The following DYM variants were observed in gnomAD, a reference collection of about 807,000 sequenced individuals.
DYM encodes the protein dymeclin.
Under a neutral mutation model 93.1 loss-of-function variants are expected in DYM, and 78 were observed. The ratio of observed to expected loss-of-function variants is 0.84; its 90% CI spans 0.70 to 1.01. The LOEUF (loss-of-function observed/expected upper bound fraction) is 1.01. Among genes scored for constraint, DYM ranks in the 50% least tolerant of loss-of-function variants. The pLI is 0.00. For synonymous variants in DYM, 321 were observed against 319.7 expected, an observed-to-expected ratio of 1.00 and a Z score of -0.04; for missense variants, 789 against 845.0, an observed-to-expected ratio of 0.93 and a Z score of 0.82.
chr18:49,289,776 C>CAT (rs368783117), intron 8 of DYM, among the ~76,000 whole-genome samples: 48,620 of 84,124 alleles, frequency 0.58, 12,734 homozygotes, highest in Admixed American at 0.63. Context: ...TATATATACA[C>CAT]ATATATATAT....
intron 2 of DYM, among the ~76,000 whole-genome samples, chr18:49,403,998 GT>G (rs113425880): frequency 0.093 from 13,769 of 147,522 alleles, 834 homozygotes; most frequent in East Asian, 0.31. Context: ...TGTTTTTTCT[GT>G]TTTTTTTTTG....
chr18:49,091,843 G>A (rs1302402265), intron 17 of DYM, among the ~76,000 whole-genome samples: 2 of 152,052 alleles, frequency 1.3e-5, no homozygotes, highest in African/African-American at 4.8e-5. Flanking sequence ...TCAAACTCCT[G>A]TCCTCGTGAT....
chr18:49,396,623 C>T (rs181043818), intron 2 of DYM, among the ~76,000 whole-genome samples: 5 of 152,248 alleles, frequency 3.3e-5, no homozygotes, highest in Non-Finnish European at 7.4e-5. Flanking sequence ...GATATCTGCA[C>T]TCTCATGTTT....
chr18:49,190,854 G>A (rs921333257), intron 14 of DYM, among the ~76,000 whole-genome samples: 2 of 152,010 alleles, frequency 1.3e-5, no homozygotes, highest in Non-Finnish European at 2.9e-5. Flanking sequence ...CCATTTCTAC[G>A]TAATAAATAG....
chr18:49,409,143 G>C (rs1278957864), intron 2 of DYM, among the ~76,000 whole-genome samples: 1 of 151,874 alleles, frequency 6.6e-6, no homozygotes, highest in African/African-American at 2.4e-5. Flanking sequence ...AATTAGCCGA[G>C]CATGGTGGCT....
chr18:49,148,446 C>T lies in DYM; in HGVS notation c.1728+15239G>A, dbSNP rs1051206295. On this transcript the variant is annotated intron_variant, in intron 15 of 17. Transcript: ENST00000675505. ...TAAATTAATTAATTTTTTGTAGACA[C>T]AGGGTCTCCCTATATTGCTCAGGCT... 7.2e-5 allele frequency among the ~76,000 whole-genome samples: 11 copies of T among 151,894 alleles called. No homozygotes were observed. In the East Asian group the frequency reaches 2.1e-3, roughly 29 times the overall value.
chr18:49,388,106 A>G (rs1054408729), intron 3 of DYM, among the ~76,000 whole-genome samples: 3 of 152,282 alleles, frequency 2.0e-5, no homozygotes, highest in Admixed American at 2.0e-4. Context: ...TGTGGGGGCC[A>G]AGGTGGGAGG....
At chr18:49,222,643 AAAAT>A (rs1240640709) in intron 13 of DYM, among the ~76,000 whole-genome samples, 1 of 152,144 alleles carries the variant, frequency 6.6e-6, no homozygotes, top group South Asian at 2.1e-4. Context: ...GGTTCATAAT[AAAAT>A]AAATAAACAA....
intron 8 of DYM, among the ~76,000 whole-genome samples, chr18:49,301,141 C>A (rs564982412): frequency 6.6e-6 from 1 of 152,130 alleles, no homozygotes; most frequent in Non-Finnish European, 1.5e-5. Flanking sequence ...AAGGGGTCTT[C>A]ATTCTAATAT....
intron 11 of DYM, among the ~76,000 whole-genome samples, chr18:49,258,817 CACACAGAG>C (rs1568119893): frequency 4.6e-5 from 5 of 109,054 alleles, no homozygotes; most frequent in African/African-American, 1.7e-4. Flanking sequence ...CACACACACA[CACACAGAG>C]ACACACACAC....
intron 2 of DYM, chr18:49,412,867 A>C (rs1012452301): frequency 7.2e-5 from 11 of 152,206 alleles, no homozygotes; most frequent in African/African-American, 2.7e-4. Context: ...CTGAGGAAAC[A>C]GACTAAGAAA....
intron 11 of DYM, among the ~76,000 whole-genome samples, chr18:49,267,667 C>G (rs984029490): frequency 6.6e-6 from 1 of 152,082 alleles, no homozygotes; most frequent in Non-Finnish European, 1.5e-5. Flanking sequence ...GCCAAGGCGG[C>G]TGGATCACTC....
chr18:49,280,686 T>G (rs1568161778), intron 10 of DYM, among the ~76,000 whole-genome samples: 2 of 152,196 alleles, frequency 1.3e-5, no homozygotes. Flanking sequence ...CTGGAGAAGC[T>G]CCTACCCTCC....
intron 15 of DYM, among the ~76,000 whole-genome samples, chr18:49,147,938 C>G (rs1476779362): frequency 6.6e-6 from 1 of 152,136 alleles, no homozygotes; most frequent in African/African-American, 2.4e-5. Context: ...GACTTGGAAC[C>G]AAGCCAAATG....
intron 7 of DYM, 144 bp downstream of exon 7, chr18:49,333,584 T>C: frequency 1.2e-6 from 1 of 866,354 alleles, no homozygotes; most frequent in Non-Finnish European, 1.8e-6. Flanking sequence ...TGCGGTTCCC[T>C]ATGCACTGGG....
At chr18:49,178,196 G>A (rs1245444496) in intron 14 of DYM, among the ~76,000 whole-genome samples, 1 of 152,048 alleles carries the variant, frequency 6.6e-6, no homozygotes, top group African/African-American at 2.4e-5. Flanking sequence ...GGCTTCCTCA[G>A]TGAAAGCTTC....
intron 17 of DYM, among the ~76,000 whole-genome samples, chr18:49,096,661 T>C (rs2079571688): frequency 6.6e-6 from 1 of 152,218 alleles, no homozygotes; most frequent in African/African-American, 2.4e-5. Flanking sequence ...CTTTTTCTTA[T>C]GGGATAATTA....
At chr18:49,150,823 C>A (rs1356654007) in intron 15 of DYM, among the ~76,000 whole-genome samples, 1 of 152,172 alleles carries the variant, frequency 6.6e-6, no homozygotes, top group African/African-American at 2.4e-5. Flanking sequence ...GGAGAGATTA[C>A]AGGTGACTCA....
intron 17 of DYM, among the ~76,000 whole-genome samples, chr18:49,064,562 A>T (rs1258099995): frequency 2.0e-5 from 3 of 152,142 alleles, no homozygotes; most frequent in Non-Finnish European, 4.4e-5. Flanking sequence ...CCGCTCTATG[A>T]TCTATTTGAT....
Sources: gnomAD v4.1 joint callset for allele counts (sites outside exome capture counted in the v4.1 genomes callset) on GRCh38, gnomAD v4.1.1 for gene constraint, MANE v1.5 for transcripts, NCBI Gene and HGNC (gene_info 2026-07-23, HGNC 2026-07-21) for gene names.